The following TNFRSF1A variants were observed in gnomAD, a reference collection of about 807,000 sequenced individuals.
TNFRSF1A encodes the protein tumor necrosis factor receptor superfamily member 1A.
A neutral mutation model predicts 41.6 loss-of-function variants in TNFRSF1A; 9 were observed. The observed-to-expected ratio is 0.22, with a 90% CI of 0.13 to 0.38. The LOEUF is 0.38. Among genes scored for constraint, TNFRSF1A ranks in the 10% least tolerant of loss-of-function variants. The pLI, the probability that TNFRSF1A is intolerant of heterozygous loss-of-function variation, is 1.00. For missense variants in TNFRSF1A, 463 were observed against 591.5 expected (o/e 0.78, Z 2.25); for synonymous variants, 254 against 248.6 (o/e 1.02, Z -0.21).
intron 1 of TNFRSF1A, among the ~76,000 whole-genome samples, chr12:6,338,177 G>A (rs1450988360): frequency 6.6e-6 from 1 of 151,998 alleles, no homozygotes; most frequent in Non-Finnish European, 1.5e-5. Flanking sequence ...CCATTTCCCT[G>A]ACCCTTAACA....
At chr12:6,339,491 T>G (rs1399694092) in intron 1 of TNFRSF1A, among the ~76,000 whole-genome samples, 1 of 152,184 alleles carries the variant, frequency 6.6e-6, no homozygotes, top group Non-Finnish European at 1.5e-5. Flanking sequence ...CAGGGAGTGC[T>G]GCAGTTGCAC....
chr12:6,332,453 AAAC>A (rs71450138), intron 5 of TNFRSF1A, among the ~76,000 whole-genome samples: 1,429 of 61,872 alleles, frequency 0.023, 77 homozygotes, highest in African/African-American at 0.075. Flanking sequence ...AAAAAAAAAA[AAAC>A]ACCAAAAGAA....
At chr12:6,340,513 AAGGAGGCAGG>A in intron 1 of TNFRSF1A, among the ~76,000 whole-genome samples, 1 of 152,150 alleles carries the variant, frequency 6.6e-6, no homozygotes, top group Admixed American at 6.5e-5. Flanking sequence ...GGGTGGGACT[AAGGAGGCAGG>A]AGGAGGCAGA....
Position 6,329,295 on chromosome 12 carries a change from C to G in TNFRSF1A, c.*17G>C. On this transcript the variant is annotated 3_prime_UTR_variant, in exon 10 of 10. Coordinates refer to ENST00000162749, the MANE Select transcript of TNFRSF1A (RefSeq NM_001065.4). ...TCTCGCAGGACGGTCCTTAGAGCTG[C>G]CCGCAGGGGCGCAGCCTCATCTGAG... is the stretch of plus-strand genomic sequence containing the variant. 6.9e-7 allele frequency: 1 copy of G among 1,457,754 alleles called. No homozygotes were observed. The highest frequency in any genetic ancestry group is 9.0e-7 in the Non-Finnish European group (1 of 1,113,480). 90.3% of individuals were successfully genotyped at this position (1,457,754 alleles called of 1,614,324 possible). A position where few individuals can be genotyped will look rare whatever the true frequency, so the allele number is the denominator to read the frequency against.
chr12:6,332,189 C>T (rs1321598291), intron 5 of TNFRSF1A, among the ~76,000 whole-genome samples: 16 of 151,816 alleles, frequency 1.1e-4, no homozygotes, highest in Admixed American at 1.0e-3. Context: ...GCCCGTAATC[C>T]TAGCACTTTG....
rs202207247 is a variant in TNFRSF1A, at chr12:6,330,024, G to A, written c.811C>T (p.Pro271Ser). Residue 271 changes from proline (P) to serine (S), a missense_variant, in exon 9 of 10, where the codon CCA (proline) becomes TCA (serine). Coordinates refer to ENST00000162749, the MANE Select transcript of TNFRSF1A (RefSeq NM_001065.4). ...GTTTKPLAPNPSFSPTPGFTP... is the reference protein window; with the variant it reads ...GTTTKPLAPNSSFSPTPGFTP... ...AAGCCTGGAGTGGGACTGAAGCTTG[G>A]GTTTGGGGCCAGGGGCTTAGTAGTA... The A allele has an allele frequency of 1.7e-5, 28 of 1,611,826 alleles. 1 individual carries two copies. The South Asian group carries it at 3.0e-4, about 17-fold the overall frequency.
intron 8 of TNFRSF1A, 83 bp downstream of exon 8, chr12:6,330,184 G>A: frequency 1.9e-6 from 3 of 1,610,872 alleles, no homozygotes; most frequent in Non-Finnish European, 2.5e-6. Context: ...GAAAGTGAAG[G>A]ATGATTCCAG....
At chr12:6,330,742 G>T (rs373102410) in intron 6 of TNFRSF1A, 31 bp from the exon 7 acceptor site, 1 of 1,594,702 alleles carries the variant, frequency 6.3e-7, no homozygotes, top group Non-Finnish European at 8.6e-7. Flanking sequence ...GGTCAGAGGA[G>T]CGGGCAGAGG....
In TNFRSF1A at chr12:6,333,971, G is replaced by A; in HGVS notation, c.194-106C>T. The A allele has an allele frequency of 1.2e-6, 2 of 1,609,926 alleles. No individual in the cohort carries two copies. Among genetic ancestry groups the A allele is most frequent in the Non-Finnish European group, 1.7e-6 (2 of 1,177,098 alleles). On this transcript the variant is annotated intron_variant, in intron 2 of 9. Coordinates refer to ENST00000162749, the MANE Select transcript of TNFRSF1A (RefSeq NM_001065.4). The surrounding 1 kb of genome is among the most constrained non-coding windows in gnomAD (Gnocchi z 6.3). Reference sequence around the variant, plus strand: ...ATTCCCTGAAGTCTCTAGGAGAGGAGGGAGGGAGAAAATCCCAGCCCAGGA... The same window carrying A: ...ATTCCCTGAAGTCTCTAGGAGAGGAAGGAGGGAGAAAATCCCAGCCCAGGA...
In TNFRSF1A at chr12:6,341,090, G is replaced by A. The variant is rs978827283; in HGVS notation, c.39+686C>T. 6.6e-6 allele frequency among the ~76,000 whole-genome samples: 1 copy of A among 152,138 alleles called. No individual in the cohort carries two copies. Among genetic ancestry groups the A allele is most frequent in the Non-Finnish European group, 1.5e-5 (1 of 68,020 alleles). ...ACAGCGGCTACCTGCCTAGCAGCAG[G>A]CAAAAGGGTAAAGAATGTCCCCAGG... On this transcript the variant is annotated intron_variant, in intron 1 of 9. Transcript: ENST00000162749. This position sits in a 1 kb window ranked among gnomAD's most constrained non-coding sequence, Gnocchi z 4.6.
chr12:6,333,302 C>G lies in TNFRSF1A; in HGVS notation c.472+65G>C. ...GAGGGGGAAGGAAAGGAAGTGCCAC[C>G]GCATGGGGAAGGGGCCAACCCCTGG... is the stretch of plus-strand genomic sequence containing the variant. On this transcript the variant is annotated intron_variant, in intron 4 of 9. Coordinates refer to ENST00000162749, the MANE Select transcript of TNFRSF1A (RefSeq NM_001065.4). The surrounding 1 kb of genome is among the most constrained non-coding windows in gnomAD (Gnocchi z 6.3). 1 of 1,589,280 alleles carries G rather than the reference C, an allele frequency of 6.3e-7. No homozygotes were observed. The highest frequency in any genetic ancestry group is 8.6e-7 in the Non-Finnish European group (1 of 1,165,974).
At chr12:6,336,172 A>G (rs1948117650) in intron 1 of TNFRSF1A, among the ~76,000 whole-genome samples, 2 of 152,174 alleles carry the variant, frequency 1.3e-5, no homozygotes, top group Non-Finnish European at 2.9e-5. Context: ...CGCCAGCCCC[A>G]GACAGCCTTA....
At chr12:6,330,104 C>T (rs201659359) in intron 8 of TNFRSF1A, 38 bp from the exon 9 acceptor site, 7 of 1,611,844 alleles carry the variant, frequency 4.3e-6, no homozygotes, top group East Asian at 2.2e-5. Flanking sequence ...AGTGCGGCAG[C>T]GAAAACCAGC....
At position 6,330,677 on chromosome 12, in the gene TNFRSF1A, A is replaced by G; in HGVS notation, c.660T>C (p.Phe220=). The change falls in exon 7 of 10, where the codon TTT becomes TTC. Residue 220 remains phenylalanine, a synonymous_variant. Coordinates refer to ENST00000162749, the MANE Select transcript of TNFRSF1A (RefSeq NM_001065.4). ...TTVLLPLVIF[F]GLCLLSLLFI... ...AGAGGAGGGATAAAAGGCAAAGACC[A>G]AAGAAAATGACCAGGGGCAACAGCA... 1.2e-6 allele frequency: 2 copies of G among 1,614,042 alleles called. No homozygotes were observed. Among genetic ancestry groups the G allele is most frequent in the Non-Finnish European group, 1.7e-6 (2 of 1,179,914 alleles).
intron 1 of TNFRSF1A, among the ~76,000 whole-genome samples, chr12:6,339,098 T>C (rs1273304485): frequency 6.6e-6 from 1 of 152,180 alleles, no homozygotes; most frequent in African/African-American, 2.4e-5. Flanking sequence ...TTTCTTAGTG[T>C]TTCTCAACAT....
At chr12:6,332,517 A>C (rs968895586) in intron 5 of TNFRSF1A, among the ~76,000 whole-genome samples, 35 of 151,640 alleles carry the variant, frequency 2.3e-4, no homozygotes, top group African/African-American at 7.5e-4. Context: ...CATAGCCAGT[A>C]AGTGGCTATG....
Position 6,341,473 on chromosome 12 carries a change from T to C in TNFRSF1A, c.39+303A>G, listed in dbSNP as rs4149622. On this transcript the variant is annotated intron_variant, in intron 1 of 9. Coordinates refer to ENST00000162749, the MANE Select transcript of TNFRSF1A (RefSeq NM_001065.4). The surrounding 1 kb of genome is among the most constrained non-coding windows in gnomAD (Gnocchi z 4.6). ...CCAAATCTGCCCCACCCTGGGCCTA[T>C]CTCCTGCCCACATTCCCTTGGCCGC... Among the ~76,000 whole-genome samples, 23,085 of 152,200 alleles carry C rather than the reference T, an allele frequency of 0.15. 4,864 individuals are homozygous for C. Among genetic ancestry groups the C allele is most frequent in the African/African-American group, 0.47 (19,492 of 41,488 alleles).
rs927880499 is a variant in TNFRSF1A, at chr12:6,330,864, G to T, written c.614C>A (p.Thr205Asn). 6.8e-6 allele frequency: 11 copies of T among 1,613,712 alleles called. No homozygotes were observed. The highest frequency in any genetic ancestry group is 9.3e-6 in the Non-Finnish European group (11 of 1,180,016). ...TCACTTCTCCTCACCTGAGTCCTCA[G>T]TGCCCTTAACATTCTCAATCTGGGG... ...CLPQIENVKG[T>N]EDSGTTVLLP... Residue 205 changes from threonine (T) to asparagine (N), a missense_variant, in exon 6 of 10, where the codon ACT becomes AAT. By Grantham distance (65) the Thr-to-Asn change is moderately conservative. Transcript: ENST00000162749.
Position 6,329,942 on chromosome 12 carries a change from G to A in TNFRSF1A, c.893C>T (p.Thr298Ile). 6.4e-7 allele frequency: 1 copy of A among 1,572,450 alleles called. No homozygotes were observed. The highest frequency in any genetic ancestry group is 8.6e-7 in the Non-Finnish European group (1 of 1,157,272). ...GTTGGGACAGTCACCGGGGGTATAG[G>A]TGGAGCTGGAGGTGAAGGTGGAACT... ...VPSSTFTSSS[T>I]YTPGDCPNFA... Residue 298 changes from threonine to isoleucine, a missense_variant, in exon 9 of 10, where the codon ACC (threonine) becomes ATC (isoleucine). By Grantham distance (89) the Thr-to-Ile change is moderately conservative. This residue lies in a region of TNFRSF1A where 277 missense variants were observed against 288.8 expected (regional missense o/e 0.96). Transcript: ENST00000162749.
Sources: gnomAD v4.1 joint callset for allele counts (sites outside exome capture counted in the v4.1 genomes callset) on GRCh38, gnomAD v4.1.1 for gene constraint, gnomAD v4.1.1 regional missense constraint, Gnocchi (gnomAD v3.1) non-coding constraint, MANE v1.5 for transcripts, NCBI Gene and HGNC (gene_info 2026-07-23, HGNC 2026-07-21) for gene names.